TESC: variants seen among roughly 807,000 people sequenced by gnomAD.
TESC encodes tescalcin.
A neutral mutation model predicts 31.0 loss-of-function variants in TESC; 19 were observed. The ratio of observed to expected loss-of-function variants is 0.61; its 90% CI spans 0.43 to 0.90. The LOEUF (loss-of-function observed/expected upper bound fraction) is 0.90. Ranked by LOEUF, TESC falls within the 40% of genes least tolerant of loss-of-function variation. The pLI is 0.00. For synonymous variants in TESC, 109 were observed against 114.8 expected (o/e 0.95, Z 0.32); for missense variants, 248 against 303.8 (o/e 0.82, Z 1.36).
rs188829873 is a variant in TESC, at chr12:117,065,610, C to G, written c.129-8724G>C. Among the ~76,000 whole-genome samples the G allele has an allele frequency of 3.3e-5, 5 of 152,170 alleles. No homozygotes were observed. In the East Asian group the frequency reaches 9.7e-4, roughly 29 times the overall value. On this transcript the variant is annotated intron_variant, in intron 2 of 7. Coordinates refer to ENST00000335209, the MANE Select transcript of TESC (RefSeq NM_017899.4). Reference sequence around the variant, plus strand: ...AGGACATACAGATGTAGGAGCTGGCCGGGCACAGTGGCTCACACCTATAAT... The same window carrying G: ...AGGACATACAGATGTAGGAGCTGGCGGGGCACAGTGGCTCACACCTATAAT...
intron 3 of TESC, among the ~76,000 whole-genome samples, chr12:117,053,203 A>T (rs558070484): frequency 6.6e-6 from 1 of 152,160 alleles, no homozygotes; most frequent in Admixed American, 6.5e-5. Flanking sequence ...CAGTCCTCCC[A>T]CAGCTCTGGC....
At chr12:117,048,331 C>T (rs1326548317) in intron 4 of TESC, among the ~76,000 whole-genome samples, 3 of 152,228 alleles carry the variant, frequency 2.0e-5, no homozygotes, top group East Asian at 1.9e-4. Context: ...CCACCAGCCC[C>T]GCATACACAT....
At chr12:117,090,296 A>G (rs1183639565) in intron 1 of TESC, among the ~76,000 whole-genome samples, 2 of 152,278 alleles carry the variant, frequency 1.3e-5, no homozygotes, top group East Asian at 1.9e-4. Context: ...ATTAAAGTAC[A>G]TTAAGGTCCC....
chr12:117,073,105 C>CAGA (rs1377271291), intron 2 of TESC, among the ~76,000 whole-genome samples: 1 of 152,212 alleles, frequency 6.6e-6, no homozygotes, highest in Non-Finnish European at 1.5e-5. Context: ...TGACTTGTGT[C>CAGA]ATGCTACACA....
At chr12:117,094,584 T>A (rs987089051) in intron 1 of TESC, among the ~76,000 whole-genome samples, 2 of 152,162 alleles carry the variant, frequency 1.3e-5, no homozygotes, top group Non-Finnish European at 2.9e-5. Context: ...TAACATGGTG[T>A]GATGCCTGCT....
At chr12:117,098,692 G>A (rs1955428149) in intron 1 of TESC, 1 of 152,450 alleles carries the variant, frequency 6.6e-6, no homozygotes, top group East Asian at 1.9e-4. Context: ...AGCCACCCGC[G>A]GGGATGAGGC....
chr12:117,056,937 G>A (rs1355157293), intron 2 of TESC, 51 bp from the exon 3 acceptor site: 1 of 1,583,596 alleles, frequency 6.3e-7, no homozygotes, highest in Non-Finnish European at 8.7e-7. Flanking sequence ...AAAGATAGCA[G>A]ACGTCAGCTG....
intron 2 of TESC, among the ~76,000 whole-genome samples, chr12:117,058,677 A>G (rs1954763100): frequency 6.7e-6 from 1 of 150,160 alleles, no homozygotes; most frequent in South Asian, 2.1e-4. Context: ...CAGGAGTTCA[A>G]GGTTACAGTG....
At chr12:117,084,895 A>C (rs1026548014) in intron 1 of TESC, among the ~76,000 whole-genome samples, 1 of 152,192 alleles carries the variant, frequency 6.6e-6, no homozygotes, top group African/African-American at 2.4e-5. Flanking sequence ...GGCACCCCCA[A>C]GGCCCCACCT....
intron 3 of TESC, among the ~76,000 whole-genome samples, chr12:117,055,911 CCTTTTTTTTTTTTTTTTTTT>C (rs927864417): frequency 4.7e-5 from 7 of 149,684 alleles, no homozygotes; most frequent in Non-Finnish European, 8.9e-5. Context: ...TTTTCCTTTT[CCTTTTTTTTTTTTTTTTTTT>C]CTTCTGAGAT....
At chr12:117,079,018 G>A (rs1165564163) in intron 1 of TESC, among the ~76,000 whole-genome samples, 3 of 152,014 alleles carry the variant, frequency 2.0e-5, no homozygotes, top group East Asian at 1.9e-4. Flanking sequence ...TGCTATTCCC[G>A]TTTTATAGAA....
At chr12:117,067,267 T>TA (rs35422757) in intron 2 of TESC, among the ~76,000 whole-genome samples, 2 of 152,068 alleles carry the variant, frequency 1.3e-5, no homozygotes, top group Admixed American at 6.6e-5. Flanking sequence ...ATAGTATTTC[T>TA]AAAAAAAGCT....
At chr12:117,082,733 T>C (rs959891878) in intron 1 of TESC, among the ~76,000 whole-genome samples, 3 of 152,044 alleles carry the variant, frequency 2.0e-5, no homozygotes, top group Non-Finnish European at 4.4e-5. Context: ...CAAGAAAAAA[T>C]AGAAAAGGGT....
At chr12:117,074,119 G>A (rs1244308981) in intron 2 of TESC, among the ~76,000 whole-genome samples, 1 of 152,008 alleles carries the variant, frequency 6.6e-6, no homozygotes, top group Non-Finnish European at 1.5e-5. Context: ...CAGCACTTTG[G>A]GAAGCTAAGG....
At chr12:117,043,343 G>A (rs1020808109) in intron 6 of TESC, among the ~76,000 whole-genome samples, 1 of 152,000 alleles carries the variant, frequency 6.6e-6, no homozygotes, top group Non-Finnish European at 1.5e-5. Context: ...CTCTGTGACT[G>A]TCTGAAATTC....
intron 1 of TESC, among the ~76,000 whole-genome samples, chr12:117,081,573 C>G (rs1310601124): frequency 1.3e-5 from 2 of 152,096 alleles, no homozygotes; most frequent in African/African-American, 4.8e-5. Flanking sequence ...TAAAGATGAA[C>G]AGATGAGGGT....
chr12:117,065,476 T>C (rs949371567), intron 2 of TESC, among the ~76,000 whole-genome samples: 2 of 151,984 alleles, frequency 1.3e-5, no homozygotes, highest in Admixed American at 1.3e-4. Flanking sequence ...CTGGGAGGGA[T>C]GAGGAGGTGC....
At chr12:117,082,629 C>T (rs1016769379) in intron 1 of TESC, among the ~76,000 whole-genome samples, 1 of 151,932 alleles carries the variant, frequency 6.6e-6, no homozygotes, top group Non-Finnish European at 1.5e-5. Context: ...TGTGGGACAT[C>T]GGAAAATGTC....
chr12:117,092,592 T>TC (rs1182585658), intron 1 of TESC, among the ~76,000 whole-genome samples: 2 of 152,082 alleles, frequency 1.3e-5, no homozygotes, highest in East Asian at 1.9e-4. Flanking sequence ...GGCCAGGGTC[T>TC]CCCCCCGCCC....
Sources: allele counts gnomAD v4.1 joint callset (sites outside exome capture counted in the v4.1 genomes callset), GRCh38; gene constraint gnomAD v4.1.1; transcripts MANE v1.5; gene names NCBI Gene and HGNC (gene_info 2026-07-23, HGNC 2026-07-21).